Variants in PEX7 observed in about 807,000 individuals in gnomAD.
PEX7 encodes the protein PTS2 receptor.
Under a neutral mutation model 47.5 loss-of-function variants are expected in PEX7, and 34 were observed. That is an observed-to-expected ratio of 0.72 (90% confidence interval 0.54 to 0.95). PEX7 has a LOEUF of 0.95. Ranked by LOEUF, PEX7 falls within the 40% of genes least tolerant of loss-of-function variation. PEX7 has a pLI of 0.00. For synonymous variants in PEX7, 141 were observed against 148.8 expected, an observed-to-expected ratio of 0.95 and a Z score of 0.38; for missense variants, 394 against 400.3, an observed-to-expected ratio of 0.98 and a Z score of 0.13.
intron 5 of PEX7, among the ~76,000 whole-genome samples, chr6:136,854,412 C>G (rs2115188805): frequency 6.6e-6 from 1 of 152,268 alleles, no homozygotes; most frequent in South Asian, 2.1e-4. Context: ...GTCTCGAACT[C>G]CTGACCTCAG....
chr6:136,824,063 AT>A (rs1157845338), intron 1 of PEX7, among the ~76,000 whole-genome samples: 9 of 152,220 alleles, frequency 5.9e-5, no homozygotes, highest in African/African-American at 2.2e-4. Flanking sequence ...GCAGAAAAAA[AT>A]GTTACTTCTA....
intron 3 of PEX7, among the ~76,000 whole-genome samples, chr6:136,836,422 A>C (rs1322481093): frequency 1.3e-5 from 2 of 152,134 alleles, no homozygotes; most frequent in Admixed American, 6.6e-5. Context: ...ATTTCTTCAG[A>C]TATAACTTGT....
Position 136,855,846 on chromosome 6 carries a change from A to C in PEX7, c.526+9665A>C, listed in dbSNP as rs1178953931. 6.7e-5 allele frequency: 17 copies of C among 253,654 alleles called. No individual in the cohort carries two copies. The Admixed American group carries it at 9.2e-4, about 14-fold the overall frequency. The allele number at this position is 253,654 out of a possible 1,614,324, so 15.7% of individuals were successfully genotyped here. On this transcript the variant is annotated intron_variant, in intron 5 of 9. Coordinates refer to ENST00000318471, the MANE Select transcript of PEX7 (RefSeq NM_000288.4). ...GAAAGAGGGTATTGATTTGTTTTTA[A>C]TCATTGTTCTCTTTATGCGTATGAC...
chr6:136,866,346 C>T (rs1307112659), intron 5 of PEX7, among the ~76,000 whole-genome samples: 1 of 152,056 alleles, frequency 6.6e-6, no homozygotes, highest in African/African-American at 2.4e-5. Context: ...TTTCCTGCCT[C>T]GAACACACAC....
At chr6:136,836,038 G>T (rs1191676526) in intron 3 of PEX7, among the ~76,000 whole-genome samples, 1 of 152,168 alleles carries the variant, frequency 6.6e-6, no homozygotes, top group Admixed American at 6.5e-5. Context: ...TCTGAAGTGA[G>T]TTAGTGAGTG....
intron 3 of PEX7, among the ~76,000 whole-genome samples, chr6:136,840,844 G>T (rs952154587): frequency 6.6e-6 from 1 of 151,976 alleles, no homozygotes; most frequent in Non-Finnish European, 1.5e-5. Flanking sequence ...CTTTCATCTC[G>T]GGTCTGCAGA....
chr6:136,846,332 A>AT, intron 5 of PEX7, 151 bp downstream of exon 5: 4 of 436,024 alleles, frequency 9.2e-6, no homozygotes, highest in Non-Finnish European at 1.6e-5. Context: ...TTCTTTTTTT[A>AT]TTTTTATTTT....
chr6:136,847,826 G>A (rs974384201), intron 5 of PEX7, among the ~76,000 whole-genome samples: 4 of 152,122 alleles, frequency 2.6e-5, no homozygotes, highest in African/African-American at 9.7e-5. Context: ...TTGGCAATGT[G>A]GGCTCTTTTT....
At chr6:136,853,986 G>C (rs984298724) in intron 5 of PEX7, among the ~76,000 whole-genome samples, 8 of 151,818 alleles carry the variant, frequency 5.3e-5, no homozygotes, top group African/African-American at 1.9e-4. Flanking sequence ...GAAGTCTTTT[G>C]GGATGGGACC....
intron 1 of PEX7, chr6:136,823,174 C>G: frequency 3.0e-6 from 3 of 985,394 alleles, no homozygotes; most frequent in Non-Finnish European, 3.6e-6. Flanking sequence ...ACGGGGAAGA[C>G]GGTCTGAGCC....
At chr6:136,845,980 T>A in intron 4 of PEX7, 93 bp from the exon 5 acceptor site, 2 of 758,004 alleles carry the variant, frequency 2.6e-6, no homozygotes, top group East Asian at 2.7e-5. Context: ...TGCATATATA[T>A]AAATGTATAT....
At chr6:136,903,664 AATTATT>A (rs1162177502) in intron 9 of PEX7, among the ~76,000 whole-genome samples, 1 of 151,442 alleles carries the variant, frequency 6.6e-6, no homozygotes, top group African/African-American at 2.4e-5. Flanking sequence ...TTTTATTTTT[AATTATT>A]ATTATTATTT....
intron 3 of PEX7, among the ~76,000 whole-genome samples, chr6:136,844,161 T>C (rs1236797715): frequency 6.6e-6 from 1 of 152,046 alleles, no homozygotes; most frequent in Non-Finnish European, 1.5e-5. Context: ...GCCTAGGAGT[T>C]TGAGACCAGC....
chr6:136,876,809 G>A (rs888558895), intron 8 of PEX7, among the ~76,000 whole-genome samples: 3 of 152,184 alleles, frequency 2.0e-5, no homozygotes, highest in African/African-American at 7.2e-5. Flanking sequence ...ATGTGTGCAT[G>A]TGTCTTTATT....
intron 5 of PEX7, among the ~76,000 whole-genome samples, chr6:136,848,349 A>G (rs1340464017): frequency 1.3e-5 from 2 of 152,062 alleles, no homozygotes; most frequent in Non-Finnish European, 2.9e-5. Context: ...TCTCCTGCCT[A>G]ATTGCCCTGG....
chr6:136,906,337 C>A (rs973225632), intron 9 of PEX7, among the ~76,000 whole-genome samples: 1 of 152,024 alleles, frequency 6.6e-6, no homozygotes. Flanking sequence ...TTAAATATAT[C>A]AACTTTAAAC....
intron 1 of PEX7, among the ~76,000 whole-genome samples, chr6:136,824,407 T>G (rs559879653): frequency 1.3e-5 from 2 of 152,218 alleles, no homozygotes; most frequent in Admixed American, 6.5e-5. Context: ...GGTATCACTA[T>G]GTTGCCCAGG....
At chr6:136,876,337 G>T (rs554218910) in intron 8 of PEX7, among the ~76,000 whole-genome samples, 1 of 151,942 alleles carries the variant, frequency 6.6e-6, no homozygotes, top group African/African-American at 2.4e-5. Context: ...GCGCCCGGCC[G>T]ATTAAATTTT....
chr6:136,888,602 A>G (rs543498259), intron 8 of PEX7, among the ~76,000 whole-genome samples: 1 of 152,210 alleles, frequency 6.6e-6, no homozygotes, highest in South Asian at 2.1e-4. Flanking sequence ...ATATTTTAGT[A>G]CTGAATTTAT....
Sources: gnomAD v4.1 joint callset for allele counts (sites outside exome capture counted in the v4.1 genomes callset) on GRCh38, gnomAD v4.1.1 for gene constraint, MANE v1.5 for transcripts, NCBI Gene and HGNC (gene_info 2026-07-23, HGNC 2026-07-21) for gene names.